The following KANSL2 variants were observed in gnomAD, a reference collection of about 807,000 sequenced individuals.
KANSL2 encodes the protein NSL complex protein NSL2.
Under a neutral mutation model 55.6 loss-of-function variants are expected in KANSL2, and 34 were observed. That is an observed-to-expected ratio of 0.61 (90% CI 0.46 to 0.81). The LOEUF (loss-of-function observed/expected upper bound fraction) is 0.81, where lower values mean the gene tolerates loss of function less well. Ranked by LOEUF, KANSL2 falls within the 40% of genes least tolerant of loss-of-function variation. The pLI, the probability that KANSL2 is intolerant of heterozygous loss-of-function variation, is 0.00. For synonymous variants in KANSL2, 209 were observed against 214.3 expected (o/e 0.98, Z 0.22); for missense variants, 502 against 609.9 (o/e 0.82, Z 1.86).
chr12:48,662,661 T>C (rs1939509726), intron 7 of KANSL2: 2 of 1,286,072 alleles, frequency 1.6e-6, no homozygotes, highest in Non-Finnish European at 2.0e-6. Context: ...TTCTCTGGGA[T>C]AAGGACTTAA....
In KANSL2 at chr12:48,671,272, A is replaced by AT. The variant is rs1184489555; in HGVS notation, c.709+526dup. 4.8e-3 allele frequency among the ~76,000 whole-genome samples: 194 copies of AT among 40,352 alleles called. 1 individual carries two copies. Among genetic ancestry groups the AT allele is most frequent in the Middle Eastern group, 0.042 (6 of 144 alleles). The allele number at this position is 40,352 out of a possible 152,430, so 26.5% of individuals were successfully genotyped here. A position where few individuals can be genotyped will look rare whatever the true frequency, so the allele number is the denominator to read the frequency against. On this transcript the variant is annotated intron_variant, in intron 5 of 9. Transcript: ENST00000420613. ...AGAGTGAGACTCCATGTCCGTCTCA[A>AT]TTAAAAAAAAAAAAAAATGAAAGTA...
chr12:48,657,249 A>G (rs945660904), intron 8 of KANSL2, among the ~76,000 whole-genome samples: 8 of 151,830 alleles, frequency 5.3e-5, no homozygotes, highest in African/African-American at 1.9e-4. Context: ...ACATGGTGAA[A>G]CCCCATCTCT....
intron 5 of KANSL2, among the ~76,000 whole-genome samples, chr12:48,671,274 TAAAA>T (rs10648260): frequency 2.1e-5 from 3 of 142,264 alleles, no homozygotes; most frequent in Non-Finnish European, 4.5e-5. Flanking sequence ...CCGTCTCAAT[TAAAA>T]AAAAAAAAAA....
intron 6 of KANSL2, among the ~76,000 whole-genome samples, chr12:48,668,102 T>A (rs568651581): frequency 6.6e-5 from 10 of 152,258 alleles, no homozygotes; most frequent in African/African-American, 2.2e-4. Context: ...TGAAACAAAA[T>A]TACTCTTACT....
intron 7 of KANSL2, among the ~76,000 whole-genome samples, chr12:48,665,127 C>T (rs545051177): frequency 6.6e-6 from 1 of 152,184 alleles, no homozygotes; most frequent in East Asian, 1.9e-4. Context: ...TTACTTTGCA[C>T]AACCATTTTA....
chr12:48,660,421 T>C lies in KANSL2; in HGVS notation c.1172A>G (p.Tyr391Cys), dbSNP rs745859919. 1.2e-6 allele frequency: 2 copies of C among 1,613,920 alleles called. No individual in the cohort carries two copies. The highest frequency in any genetic ancestry group is 3.3e-5 in the Admixed American group (2 of 60,014). ...GGGCTGAAGCTCAGCAGCACTCAAG[T>C]ACAGATCCATGGGGCCGGCTTCCAG... Reference protein sequence around the residue: ...DDLEAGPMDLYLSAAELQPTE... With the variant: ...DDLEAGPMDLCLSAAELQPTE... Residue 391 changes from tyrosine (Y) to cysteine (C), a missense_variant, in exon 8 of 10, where the codon TAC becomes TGC. Physicochemically the swap from Tyr to Cys is radical, Grantham distance 194 (BLOSUM62 -2). Transcript: ENST00000420613.
At chr12:48,668,488 T>C (rs912266745) in intron 6 of KANSL2, among the ~76,000 whole-genome samples, 2 of 152,176 alleles carry the variant, frequency 1.3e-5, no homozygotes, top group African/African-American at 2.4e-5. Context: ...AGACTGGACA[T>C]AGGGAGTTCA....
chr12:48,666,195 A>G (rs1469518332), intron 7 of KANSL2, among the ~76,000 whole-genome samples: 1 of 152,128 alleles, frequency 6.6e-6, no homozygotes, highest in Admixed American at 6.5e-5. Context: ...TGGGCAACAG[A>G]GTAAGACTCT....
intron 4 of KANSL2, among the ~76,000 whole-genome samples, chr12:48,676,570 A>G (rs1831185145): frequency 6.6e-6 from 1 of 152,114 alleles, no homozygotes; most frequent in Admixed American, 6.5e-5. Context: ...AGGCAGGAAA[A>G]TCATTTGAAC....
intron 5 of KANSL2, among the ~76,000 whole-genome samples, chr12:48,670,826 G>A (rs1463611741): frequency 6.6e-6 from 1 of 152,084 alleles, no homozygotes; most frequent in African/African-American, 2.4e-5. Flanking sequence ...AAAATTAGCT[G>A]AGTGTGGTGG....
At chr12:48,662,016 T>C (rs1234830354) in intron 7 of KANSL2, among the ~76,000 whole-genome samples, 3 of 152,248 alleles carry the variant, frequency 2.0e-5, no homozygotes, top group Admixed American at 1.3e-4. Context: ...ATCATCAGAT[T>C]TGCACTATGC....
chr12:48,669,549 G>A (rs968162305), intron 5 of KANSL2, among the ~76,000 whole-genome samples: 5 of 150,316 alleles, frequency 3.3e-5, no homozygotes, highest in Admixed American at 2.7e-4. Context: ...GCACAGTCTC[G>A]CTCTGTTGTC....
At chr12:48,680,908 G>A (rs866152280) in intron 2 of KANSL2, among the ~76,000 whole-genome samples, 20 of 110,636 alleles carry the variant, frequency 1.8e-4, no homozygotes, top group African/African-American at 6.9e-4. Flanking sequence ...GAAGGAGGAG[G>A]TTGCAGTGAG....
At chr12:48,670,894 T>C (rs569773280) in intron 5 of KANSL2, among the ~76,000 whole-genome samples, 1 of 151,566 alleles carries the variant, frequency 6.6e-6, no homozygotes, top group Admixed American at 6.6e-5. Flanking sequence ...AGTCCAGGAG[T>C]TGAAGGCTGC....
chr12:48,665,483 T>C (rs1481493268), intron 7 of KANSL2, among the ~76,000 whole-genome samples: 1 of 152,056 alleles, frequency 6.6e-6, no homozygotes, highest in African/African-American at 2.4e-5. Flanking sequence ...GAATCGCTTG[T>C]ACCCAGGGGA....
At chr12:48,662,565 G>C (rs1481009606) in intron 7 of KANSL2, 1 of 1,280,034 alleles carries the variant, frequency 7.8e-7, no homozygotes, top group Non-Finnish European at 1.0e-6. Flanking sequence ...CCTACAACTA[G>C]AGTCTGGGTC....
chr12:48,669,372 G>C (rs1592104231), intron 5 of KANSL2, 100 bp from the exon 6 acceptor site: 3 of 950,568 alleles, frequency 3.2e-6, no homozygotes, highest in Non-Finnish European at 4.6e-6. Flanking sequence ...CATAAGATAG[G>C]CAGTTTCAAA....
intron 8 of KANSL2, 30 bp from the exon 9 acceptor site, chr12:48,655,090 T>TA: frequency 1.3e-6 from 2 of 1,551,630 alleles, no homozygotes. Context: ...CCATCAGCAA[T>TA]ACCAAGGGAA....
chr12:48,666,874 C>CA (rs1939610862), intron 7 of KANSL2, among the ~76,000 whole-genome samples: 1 of 151,096 alleles, frequency 6.6e-6, no homozygotes, highest in Non-Finnish European at 1.5e-5. Flanking sequence ...GACCCTGTCT[C>CA]AAAAAACACA....
Sources: allele counts gnomAD v4.1 joint callset (sites outside exome capture counted in the v4.1 genomes callset), GRCh38; gene constraint gnomAD v4.1.1; transcripts MANE v1.5; gene names NCBI Gene and HGNC (gene_info 2026-07-23, HGNC 2026-07-21).